The following PPP1R9A variants were observed in gnomAD, a reference collection of about 807,000 sequenced individuals.
PPP1R9A encodes protein phosphatase 1 regulatory subunit 9A, also known as neurabin-1.
Under a neutral mutation model 141.9 loss-of-function variants are expected in PPP1R9A, and 59 were observed. The observed-to-expected ratio is 0.42, with a 90% CI of 0.34 to 0.52. PPP1R9A has a LOEUF of 0.52. PPP1R9A is among the 20% of genes least tolerant of loss of function. The probability of loss-of-function intolerance (pLI) is 0.10; values close to 1 mark genes in which losing one functional copy is unlikely to be tolerated. For synonymous variants in PPP1R9A, 500 were observed against 569.7 expected (o/e 0.88, Z 1.74); for missense variants, 1,444 against 1,611.9 (o/e 0.90, Z 1.78).
intron 5 of PPP1R9A, among the ~76,000 whole-genome samples, chr7:95,169,566 T>G (rs1480396347): frequency 6.6e-6 from 1 of 151,910 alleles, no homozygotes; most frequent in Non-Finnish European, 1.5e-5. Context: ...TGATAAATAG[T>G]AGAGGTAATG....
intron 16 of PPP1R9A, among the ~76,000 whole-genome samples, chr7:95,279,783 C>T (rs1803825523): frequency 6.6e-6 from 1 of 152,162 alleles, no homozygotes; most frequent in African/African-American, 2.4e-5. Context: ...AATCAGTGGA[C>T]ACATTTCTCT....
At chr7:95,233,005 A>C (rs547670844) in intron 8 of PPP1R9A, among the ~76,000 whole-genome samples, 6 of 152,268 alleles carry the variant, frequency 3.9e-5, no homozygotes, top group Middle Eastern at 3.4e-3. Context: ...TTGACCCAGC[A>C]ATCCCATTAC....
chr7:95,059,973 C>T (rs926242277), intron 2 of PPP1R9A, among the ~76,000 whole-genome samples: 6 of 151,976 alleles, frequency 3.9e-5, no homozygotes, highest in South Asian at 2.1e-4. Context: ...GGTTAAGGTG[C>T]GGGAGAAGAT....
At chr7:95,196,519 T>C (rs1836305138) in intron 5 of PPP1R9A, among the ~76,000 whole-genome samples, 1 of 152,186 alleles carries the variant, frequency 6.6e-6, no homozygotes, top group African/African-American at 2.4e-5. Context: ...TGTTCACAAA[T>C]GTTTATAGTA....
intron 7 of PPP1R9A, among the ~76,000 whole-genome samples, chr7:95,208,798 A>T (rs1791419799): frequency 6.6e-6 from 1 of 152,076 alleles, no homozygotes; most frequent in Non-Finnish European, 1.5e-5. Context: ...TTAAAACTTA[A>T]CTTCTGTTCA....
intron 2 of PPP1R9A, among the ~76,000 whole-genome samples, chr7:94,950,829 C>T (rs1796387277): frequency 6.6e-6 from 1 of 152,162 alleles, no homozygotes; most frequent in Non-Finnish European, 1.5e-5. Context: ...TCACTGCAGC[C>T]TCAACTTCCT....
intron 8 of PPP1R9A, among the ~76,000 whole-genome samples, chr7:95,246,448 T>C (rs1340712049): frequency 6.6e-6 from 1 of 152,206 alleles, no homozygotes; most frequent in Non-Finnish European, 1.5e-5. Flanking sequence ...ACTAATTTAG[T>C]GGTACAACCT....
chr7:95,032,446 G>A (rs1191410152), intron 2 of PPP1R9A, among the ~76,000 whole-genome samples: 1 of 152,044 alleles, frequency 6.6e-6, no homozygotes, highest in Non-Finnish European at 1.5e-5. Context: ...ACTAAGGGTA[G>A]GAATAGTAAA....
intron 5 of PPP1R9A, among the ~76,000 whole-genome samples, chr7:95,188,927 G>A (rs1318579126): frequency 6.6e-6 from 1 of 152,034 alleles, no homozygotes; most frequent in Non-Finnish European, 1.5e-5. Flanking sequence ...CTTCAAGGAG[G>A]TTCAATTTTG....
At chr7:95,240,741 GCTTTT>G (rs1244608739) in intron 8 of PPP1R9A, among the ~76,000 whole-genome samples, 1 of 151,398 alleles carries the variant, frequency 6.6e-6, no homozygotes, top group Non-Finnish European at 1.5e-5. Context: ...ATTCTTTCTC[GCTTTT>G]CTTTACTTTC....
At chr7:95,273,654 C>CA (rs1444055133) in intron 14 of PPP1R9A, among the ~76,000 whole-genome samples, 1 of 152,188 alleles carries the variant, frequency 6.6e-6, no homozygotes, top group Non-Finnish European at 1.5e-5. Context: ...TGTTCATTCC[C>CA]ATGCAGTTGA....
At chr7:95,084,189 T>G (rs2152303247) in intron 2 of PPP1R9A, among the ~76,000 whole-genome samples, 1 of 152,154 alleles carries the variant, frequency 6.6e-6, no homozygotes, top group Non-Finnish European at 1.5e-5. Context: ...TTAATGCCCA[T>G]GTTGAAAGAA....
intron 2 of PPP1R9A, among the ~76,000 whole-genome samples, chr7:94,994,819 G>A (rs1452586764): frequency 6.6e-6 from 1 of 151,940 alleles, no homozygotes; most frequent in Non-Finnish European, 1.5e-5. Flanking sequence ...ACTTGAACCT[G>A]GGAGGCGGAG....
At chr7:95,216,190 T>G (rs139170489) in intron 7 of PPP1R9A, among the ~76,000 whole-genome samples, 1 of 152,222 alleles carries the variant, frequency 6.6e-6, no homozygotes, top group Non-Finnish European at 1.5e-5. Flanking sequence ...TTTCTACATA[T>G]GGCTAGCCAG....
chr7:95,131,948 T>A (rs1472326257), intron 4 of PPP1R9A, among the ~76,000 whole-genome samples: 1 of 152,144 alleles, frequency 6.6e-6, no homozygotes, highest in East Asian at 1.9e-4. Flanking sequence ...TTTGTGTGTG[T>A]GTTATTGTAA....
chr7:95,020,919 G>T (rs1047557182), intron 2 of PPP1R9A, among the ~76,000 whole-genome samples: 1 of 152,222 alleles, frequency 6.6e-6, no homozygotes, highest in African/African-American at 2.4e-5. Flanking sequence ...ATTGTGAACA[G>T]TGCTGCAGTA....
intron 5 of PPP1R9A, among the ~76,000 whole-genome samples, chr7:95,190,396 A>G (rs1401518060): frequency 5.3e-5 from 8 of 152,226 alleles, no homozygotes. Flanking sequence ...TCTCCCAGCC[A>G]TGGATACCAG....
At chr7:95,264,866 A>G (rs1336455629) in intron 12 of PPP1R9A, among the ~76,000 whole-genome samples, 1 of 152,206 alleles carries the variant, frequency 6.6e-6, no homozygotes, top group Non-Finnish European at 1.5e-5. Context: ...AACAAGGCAC[A>G]CTGGAGAAAC....
chr7:94,908,725 G>A (rs1791103291), intron 1 of PPP1R9A: 1 of 152,184 alleles, frequency 6.6e-6, no homozygotes, highest in Non-Finnish European at 1.5e-5. Context: ...TAGGGGAGAG[G>A]GGAGGGTGTT....
Sources: allele counts gnomAD v4.1 joint callset (sites outside exome capture counted in the v4.1 genomes callset), GRCh38; gene constraint gnomAD v4.1.1; transcripts MANE v1.5; gene names NCBI Gene and HGNC (gene_info 2026-07-23, HGNC 2026-07-21).